TRPM8: variants seen among roughly 807,000 people sequenced by gnomAD.
TRPM8 encodes the protein transient receptor potential cation channel subfamily M member 8.
In TRPM8, 110 loss-of-function variants were observed where a neutral mutation model predicts 133.7. That is an observed-to-expected ratio of 0.82 (90% confidence interval 0.70 to 0.96). The LOEUF (loss-of-function observed/expected upper bound fraction) is 0.96, where lower values mean the gene tolerates loss of function less well. Ranked by LOEUF, TRPM8 falls within the 40% of genes least tolerant of loss-of-function variation. The pLI, the probability that TRPM8 is intolerant of heterozygous loss-of-function variation, is 0.00. For missense variants in TRPM8, 1,291 were observed against 1,379.5 expected (o/e 0.94, Z 1.02); for synonymous variants, 535 against 532.3 (o/e 1.01, Z -0.07).
intron 2 of TRPM8, 33 bp from the exon 3 acceptor site, chr2:233,930,635 A>G: frequency 7.0e-7 from 1 of 1,435,120 alleles, no homozygotes; most frequent in Non-Finnish European, 9.7e-7. Context: ...AGAATAAATT[A>G]GTAATGTGTT....
intron 1 of TRPM8, among the ~76,000 whole-genome samples, chr2:233,918,576 G>A (rs1332838101): frequency 6.6e-6 from 1 of 152,028 alleles, no homozygotes; most frequent in Non-Finnish European, 1.5e-5. Context: ...TCTACTTTTT[G>A]GAGCAGGATA....
intron 22 of TRPM8, among the ~76,000 whole-genome samples, chr2:234,006,419 T>C (rs978119249): frequency 7.2e-5 from 11 of 152,180 alleles, no homozygotes; most frequent in African/African-American, 2.7e-4. Flanking sequence ...TTTCCTCTCC[T>C]CCAGAGCTCC....
chr2:233,917,652 A>G (rs1691329696), intron 1 of TRPM8, among the ~76,000 whole-genome samples: 1 of 152,230 alleles, frequency 6.6e-6, no homozygotes. Context: ...TTTATTTAGA[A>G]ATGTAGAATT....
intron 11 of TRPM8, among the ~76,000 whole-genome samples, chr2:233,957,671 G>A (rs1394769546): frequency 6.6e-6 from 1 of 152,068 alleles, no homozygotes; most frequent in Non-Finnish European, 1.5e-5. Flanking sequence ...TTGCTCTGAA[G>A]GCCAATTGTG....
chr2:234,012,758 C>T (rs1023834662), intron 24 of TRPM8, among the ~76,000 whole-genome samples: 2 of 151,764 alleles, frequency 1.3e-5, no homozygotes, highest in Non-Finnish European at 2.9e-5. Context: ...CATATATGGC[C>T]TTTATTGTGT....
rs909564243 is a variant in TRPM8 at position 233,958,776 on chromosome 2, G to A, written c.1363-2000G>A. On this transcript the variant is annotated intron_variant, in intron 11 of 25. Transcript: ENST00000324695. ...CTTGACAACTCCTTCTCTAGGCAAT[G>A]TGTGATCCCCATGAGACCAACATTA... 2.0e-5 allele frequency among the ~76,000 whole-genome samples: 3 copies of A among 152,296 alleles called. No homozygotes were observed. In the South Asian group the frequency reaches 6.2e-4, roughly 32 times the overall value.
At chr2:233,973,222 T>C (rs921188709) in intron 17 of TRPM8, among the ~76,000 whole-genome samples, 1 of 152,174 alleles carries the variant, frequency 6.6e-6, no homozygotes, top group African/African-American at 2.4e-5. Context: ...GCCCTCGGTA[T>C]TAGTCTGTAG....
Position 234,017,783 on chromosome 2 carries a change from C to A in TRPM8, c.*527C>A, listed in dbSNP as rs2125427040. ...TCTAAAACATGCTGCAGCAAGAGGACCCCGCTCTCTTCAGGAAAAGTGTTT... is the reference window on the plus strand; with the variant it reads ...TCTAAAACATGCTGCAGCAAGAGGAACCCGCTCTCTTCAGGAAAAGTGTTT... On this transcript the variant is annotated 3_prime_UTR_variant, in exon 26 of 26. Transcript: ENST00000324695. 6.3e-6 allele frequency: 1 copy of A among 159,248 alleles called. No individual in the cohort carries two copies. Among genetic ancestry groups the A allele is most frequent in the Non-Finnish European group, 1.4e-5 (1 of 72,998 alleles). The allele number at this position is 159,248 out of a possible 1,614,324, so 9.9% of individuals were successfully genotyped here.
chr2:233,976,286 G>A (rs540620095), intron 17 of TRPM8, among the ~76,000 whole-genome samples: 2 of 152,250 alleles, frequency 1.3e-5, no homozygotes, highest in Admixed American at 6.5e-5. Flanking sequence ...AGTAAAATCC[G>A]AAGTCTGTAA....
At chr2:234,004,067 G>A (rs1387882572) in intron 22 of TRPM8, among the ~76,000 whole-genome samples, 1 of 152,074 alleles carries the variant, frequency 6.6e-6, no homozygotes, top group Admixed American at 6.6e-5. Context: ...AATGAAAAGG[G>A]GCTTCAGCAC....
Position 233,942,767 on chromosome 2 carries a change from G to A in TRPM8, c.699+19G>A, listed in dbSNP as rs577175470. On this transcript the variant is annotated intron_variant, in intron 6 of 25. Coordinates refer to ENST00000324695, the MANE Select transcript of TRPM8 (RefSeq NM_024080.5). Reference sequence around the variant, plus strand: ...TGCTGAGGTACCGGTGGGACAGGAGGAGGTCTGCTAGGTCACATGGAAGAA... The same window carrying A: ...TGCTGAGGTACCGGTGGGACAGGAGAAGGTCTGCTAGGTCACATGGAAGAA... 18 of 1,613,618 alleles carry A rather than the reference G, an allele frequency of 1.1e-5. No homozygotes were observed. In the South Asian group the frequency reaches 1.6e-4, roughly 15 times the overall value.
At chr2:234,014,468 T>C in intron 24 of TRPM8, 94 bp from the exon 25 acceptor site, 3 of 665,978 alleles carry the variant, frequency 4.5e-6, no homozygotes, top group Non-Finnish European at 7.3e-6. Flanking sequence ...TTAGTAGACA[T>C]GTCTGTTTCT....
chr2:233,982,288 C>T (rs1410240658), intron 19 of TRPM8, among the ~76,000 whole-genome samples: 1 of 152,108 alleles, frequency 6.6e-6, no homozygotes, highest in African/African-American at 2.4e-5. Context: ...TAGAGACAAG[C>T]AGTGAGCTAG....
At chr2:233,946,666 AT>A (rs1227385125) in intron 7 of TRPM8, among the ~76,000 whole-genome samples, 1 of 152,234 alleles carries the variant, frequency 6.6e-6, no homozygotes, top group Non-Finnish European at 1.5e-5. Context: ...TCCTTTCACA[AT>A]TGGACATACA....
intron 20 of TRPM8, among the ~76,000 whole-genome samples, chr2:233,985,095 A>G (rs74903958): frequency 1.2e-4 from 18 of 151,484 alleles, no homozygotes; most frequent in Non-Finnish European, 4.4e-5. Context: ...AAAAAAAAAA[A>G]AGATGTAAAA....
intron 21 of TRPM8, among the ~76,000 whole-genome samples, chr2:233,993,030 G>A (rs1430414877): frequency 1.3e-5 from 2 of 152,212 alleles, no homozygotes; most frequent in African/African-American, 4.8e-5. Flanking sequence ...GTCCTGGACT[G>A]ACTTGAGAGA....
At position 233,969,743 on chromosome 2, in the gene TRPM8, A is replaced by T. The variant is rs762170786; in HGVS notation, c.2074A>T (p.Asn692Tyr). Residue 692 changes from asparagine (N) to tyrosine (Y), a missense_variant, in exon 16 of 26, where the codon AAC becomes TAC. Physicochemically the swap from Asn to Tyr is moderately radical, Grantham distance 143. Coordinates refer to ENST00000324695, the MANE Select transcript of TRPM8 (RefSeq NM_024080.5). Reference sequence around the variant, plus strand: ...TGGAGAGATTTCCCGAGACACCAAGAACTGGAAGATTATCCTGTGTCTGTT... The same window carrying T: ...TGGAGAGATTTCCCGAGACACCAAGTACTGGAAGATTATCCTGTGTCTGTT... The part of the protein sequence containing the change: ...WYGEISRDTK[N>Y]WKIILCLFII... 3.1e-6 allele frequency: 5 copies of T among 1,613,950 alleles called. No individual in the cohort carries two copies. The Admixed American group carries it at 6.7e-5, about 22-fold the overall frequency.
intron 25 of TRPM8, among the ~76,000 whole-genome samples, chr2:234,016,318 T>C (rs1299535911): frequency 6.6e-6 from 1 of 152,202 alleles, no homozygotes; most frequent in Non-Finnish European, 1.5e-5. Context: ...ACAACAAATT[T>C]GGCATGTCCA....
chr2:233,978,095 T>TC (rs201150554), intron 17 of TRPM8, among the ~76,000 whole-genome samples: 22 of 151,998 alleles, frequency 1.4e-4, no homozygotes, highest in African/African-American at 5.1e-4. Context: ...TTTTTTTTTT[T>TC]AGAATTTCTC....
Sources: allele counts gnomAD v4.1 joint callset (sites outside exome capture counted in the v4.1 genomes callset), GRCh38; gene constraint gnomAD v4.1.1; transcripts MANE v1.5; gene names NCBI Gene and HGNC (gene_info 2026-07-23, HGNC 2026-07-21).